Variants in SCG3 observed in about 807,000 individuals in gnomAD.
The protein encoded by SCG3 is secretogranin III.
A neutral mutation model predicts 56.2 loss-of-function variants in SCG3; 38 were observed. That is an observed-to-expected ratio of 0.68 (90% CI 0.52 to 0.89). SCG3 has a LOEUF of 0.89. Among genes scored for constraint, SCG3 ranks in the 40% least tolerant of loss-of-function variants. The pLI is 0.00. For missense variants in SCG3, 524 were observed against 540.7 expected (o/e 0.97, Z 0.31); for synonymous variants, 176 against 184.2 (o/e 0.96, Z 0.36).
chr15:51,705,025 G>A (rs1373451034), intron 10 of SCG3, among the ~76,000 whole-genome samples: 2 of 151,736 alleles, frequency 1.3e-5, no homozygotes, highest in Admixed American at 6.6e-5. Context: ...ACAGATGTGA[G>A]GTGGAGGATG....
rs1567216430 is a variant in SCG3, at chr15:51,688,242, T to G, written c.398-18T>G. 1.9e-6 allele frequency: 3 copies of G among 1,605,432 alleles called. No individual in the cohort carries two copies. In the South Asian group the frequency reaches 3.3e-5, roughly 18 times the overall value. Reference sequence around the variant, plus strand: ...ATCTATGATCACTATGGTGTGAAGTTGTGGTCGTTCTGTCTAGATGATCCA... The same window carrying G: ...ATCTATGATCACTATGGTGTGAAGTGGTGGTCGTTCTGTCTAGATGATCCA... On this transcript the variant is annotated intron_variant, in intron 4 of 11. Transcript: ENST00000220478.
intron 10 of SCG3, among the ~76,000 whole-genome samples, chr15:51,709,778 T>C (rs1363286532): frequency 7.7e-6 from 1 of 129,322 alleles, no homozygotes; most frequent in Admixed American, 8.3e-5. Flanking sequence ...TGGAGTGCAG[T>C]GGCGTGATCT....
chr15:51,715,984 A>G (rs2055452912), intron 11 of SCG3, among the ~76,000 whole-genome samples: 1 of 152,114 alleles, frequency 6.6e-6, no homozygotes, highest in Non-Finnish European at 1.5e-5. Context: ...CGGCCTCCCA[A>G]GTAGTTGGGA....
intron 11 of SCG3, among the ~76,000 whole-genome samples, chr15:51,715,931 C>T (rs536626148): frequency 1.5e-4 from 23 of 152,054 alleles, no homozygotes; most frequent in African/African-American, 5.3e-4. Flanking sequence ...GGTCTCCGCT[C>T]ACTGCGAGCT....
chr15:51,717,245 G>A (rs541920388), intron 11 of SCG3, among the ~76,000 whole-genome samples: 4 of 152,228 alleles, frequency 2.6e-5, no homozygotes, highest in African/African-American at 9.6e-5. Flanking sequence ...GCACGTGCCT[G>A]TAGTCCCAGC....
In SCG3 at chr15:51,713,382, G is replaced by A; in HGVS notation, c.1257G>A (p.Leu419=). The A allele has an allele frequency of 3.1e-6, 5 of 1,604,972 alleles. No homozygotes were observed. The highest frequency in any genetic ancestry group is 1.7e-6 in the Non-Finnish European group (2 of 1,176,772). The change falls in exon 11 of 12, where the codon TTG becomes TTA. Residue 419 remains leucine, a synonymous_variant. Transcript: ENST00000220478. ...CCATCAGAAAAAATATTGAATGGTT[G>A]AAGAAACATGACAAAAAGGGAAATA... ...LEAIRKNIEW[L]KKHDKKGNKE... is the part of the protein sequence containing the mutation.
intron 10 of SCG3, among the ~76,000 whole-genome samples, chr15:51,709,891 T>TTA (rs1389244498): frequency 3.0e-5 from 4 of 135,078 alleles, no homozygotes; most frequent in African/African-American, 1.1e-4. Flanking sequence ...CGGCTAATTT[T>TTA]TTTTTTTTTT....
rs2055432696 is a variant in SCG3, at chr15:51,713,332, G to A, written c.1208-1G>A. ...TGATATAGTTCTCTTACCTCTTCCAGGAAAAACAGAAGCCTATTTGGAAGC... is the reference window on the plus strand; with the variant it reads ...TGATATAGTTCTCTTACCTCTTCCAAGAAAAACAGAAGCCTATTTGGAAGC... On this transcript the variant is annotated splice_acceptor_variant, in intron 10 of 11. Coordinates refer to ENST00000220478, the MANE Select transcript of SCG3 (RefSeq NM_013243.4). LOFTEE classifies it high-confidence loss of function. 1 of 1,588,308 alleles carries A rather than the reference G, an allele frequency of 6.3e-7. No homozygotes were observed.
intron 11 of SCG3, among the ~76,000 whole-genome samples, chr15:51,715,921 G>A (rs1047424710): frequency 5.3e-5 from 8 of 151,530 alleles, no homozygotes; most frequent in East Asian, 3.9e-4. Context: ...GCAGTGGCAC[G>A]GTCTCCGCTC....
chr15:51,692,196 G>T lies in SCG3; in HGVS notation c.728G>T (p.Gly243Val), dbSNP rs1349069233. ...MAAIQDGLAK[G>V]ENDETVSNTL... ...GCAATTCAAGATGGTCTTGCTAAGGGAGAAAACGATGAAACAGTATCTAAC... is the reference window on the plus strand; with the variant it reads ...GCAATTCAAGATGGTCTTGCTAAGGTAGAAAACGATGAAACAGTATCTAAC... Residue 243 changes from glycine to valine, a missense_variant, in exon 7 of 12, where the codon GGA (glycine) becomes GTA (valine). By Grantham distance (109) the Gly-to-Val change is moderately radical. Coordinates refer to ENST00000220478, the MANE Select transcript of SCG3 (RefSeq NM_013243.4). 2 of 1,613,584 alleles carry T rather than the reference G, an allele frequency of 1.2e-6. No individual in the cohort carries two copies. Among genetic ancestry groups the T allele is most frequent in the Admixed American group, 1.7e-5 (1 of 59,980 alleles).
At chr15:51,693,446 T>C (rs1423442954) in intron 7 of SCG3, 1 of 152,200 alleles carries the variant, frequency 6.6e-6, no homozygotes, top group Non-Finnish European at 1.5e-5. Flanking sequence ...TTTTTGTTTT[T>C]TTAAAGCTAA....
chr15:51,686,021 A>C (rs1303126508), intron 4 of SCG3, among the ~76,000 whole-genome samples: 3 of 152,252 alleles, frequency 2.0e-5, no homozygotes, highest in African/African-American at 7.2e-5. Flanking sequence ...ATGAATGTCA[A>C]GTGCTATGTT....
At chr15:51,711,073 C>G (rs2055417676) in intron 10 of SCG3, among the ~76,000 whole-genome samples, 1 of 152,204 alleles carries the variant, frequency 6.6e-6, no homozygotes, top group Non-Finnish European at 1.5e-5. Flanking sequence ...CAAGCTTCAG[C>G]ATGGGCGACT....
intron 8 of SCG3, among the ~76,000 whole-genome samples, chr15:51,697,853 A>G (rs2055313860): frequency 6.6e-6 from 1 of 152,196 alleles, no homozygotes; most frequent in Non-Finnish European, 1.5e-5. Flanking sequence ...TTTTACAACT[A>G]GAGTTTGAGT....
intron 4 of SCG3, among the ~76,000 whole-genome samples, chr15:51,685,397 A>C (rs571584897): frequency 6.6e-6 from 1 of 152,212 alleles, no homozygotes; most frequent in Non-Finnish European, 1.5e-5. Flanking sequence ...TTTTGATCTG[A>C]CCGCTAATTT....
Position 51,701,158 on chromosome 15 carries a change from C to A in SCG3, c.1121C>A (p.Ala374Asp). Residue 374 changes from alanine (A) to aspartate (D), a missense_variant, in exon 10 of 12, where the codon GCT becomes GAT. Physicochemically the swap from Ala to Asp is moderately radical, Grantham distance 126. Coordinates refer to ENST00000220478, the MANE Select transcript of SCG3 (RefSeq NM_013243.4). The part of the protein sequence containing the change: ...EETDSTKEEA[A>D]KMEKEYGSLK... ...ACAGACAGTACCAAGGAAGAAGCAG[C>A]TAAGATGGAAAAGGAATATGGAAGC... is the stretch of plus-strand genomic sequence containing the variant. 6.2e-7 allele frequency: 1 copy of A among 1,613,742 alleles called. No individual in the cohort carries two copies. The highest frequency in any genetic ancestry group is 1.3e-5 in the African/African-American group (1 of 74,976).
At chr15:51,682,614 G>T in intron 2 of SCG3, 45 bp downstream of exon 2, 1 of 1,071,668 alleles carries the variant, frequency 9.3e-7, no homozygotes. Flanking sequence ...TTTTGATTTA[G>T]TTATTATTAT....
intron 8 of SCG3, among the ~76,000 whole-genome samples, chr15:51,697,860 G>T (rs1531156): frequency 0.17 from 26,132 of 151,980 alleles, 2,680 homozygotes; most frequent in Non-Finnish European, 0.24. Context: ...ACTAGAGTTT[G>T]AGTTATGTCT....
At chr15:51,706,832 A>G (rs1365693935) in intron 10 of SCG3, among the ~76,000 whole-genome samples, 1 of 152,226 alleles carries the variant, frequency 6.6e-6, no homozygotes, top group Non-Finnish European at 1.5e-5. Context: ...CTTTGAAAAT[A>G]GTTTGAACTA....
Sources: allele counts gnomAD v4.1 joint callset (sites outside exome capture counted in the v4.1 genomes callset), GRCh38; gene constraint gnomAD v4.1.1; transcripts MANE v1.5; gene names NCBI Gene and HGNC (gene_info 2026-07-23, HGNC 2026-07-21).